FASTKD1: variants seen among roughly 807,000 people sequenced by gnomAD.
The protein encoded by FASTKD1 is FAST kinase domains 1.
In FASTKD1, 94 loss-of-function variants were observed where a neutral mutation model predicts 90.9. The ratio of observed to expected loss-of-function variants is 1.03; its 90% CI spans 0.88 to 1.23. FASTKD1 has a LOEUF of 1.23. Ranked by LOEUF, FASTKD1 falls within the 50% of genes most tolerant of loss-of-function variation. The probability of loss-of-function intolerance (pLI) is 0.00; values close to 1 mark genes in which losing one functional copy is unlikely to be tolerated. For synonymous variants in FASTKD1, 319 were observed against 345.8 expected (o/e 0.92, Z 0.86); for missense variants, 945 against 993.5 (o/e 0.95, Z 0.66).
intron 4 of FASTKD1, among the ~76,000 whole-genome samples, chr2:169,562,164 A>G (rs1461102305): frequency 1.4e-5 from 2 of 147,576 alleles, no homozygotes; most frequent in Non-Finnish European, 1.5e-5. Context: ...ATTATTTATT[A>G]ATTTATTTTT....
chr2:169,556,448 CA>C lies in FASTKD1; in HGVS notation c.1082+738del, dbSNP rs1183409632. Among the ~76,000 whole-genome samples the C allele has an allele frequency of 1.6e-3, 196 of 120,748 alleles. 1 individual carries two copies. The highest frequency in any genetic ancestry group is 5.4e-3 in the African/African-American group (178 of 32,956). The allele number at this position is 120,748 out of a possible 152,430, so 79.2% of individuals were successfully genotyped here. ...CATACCCTGTCTCAAAAAAAAAAAA[CA>C]AAAAAAAAAACGGCCAGGCACAGTG... On this transcript the variant is annotated intron_variant, in intron 6 of 14. Coordinates refer to ENST00000453153, the MANE Select transcript of FASTKD1 (RefSeq NM_024622.6).
chr2:169,554,815 G>A (rs1238393335), intron 7 of FASTKD1, among the ~76,000 whole-genome samples: 7 of 152,242 alleles, frequency 4.6e-5, no homozygotes, highest in South Asian at 4.1e-4. Flanking sequence ...TTTAACTTTC[G>A]TCAGCAGTCC....
chr2:169,561,527 G>A (rs1385344751), intron 4 of FASTKD1, among the ~76,000 whole-genome samples: 1 of 151,606 alleles, frequency 6.6e-6, no homozygotes, highest in Non-Finnish European at 1.5e-5. Flanking sequence ...CTCCTTAAAT[G>A]TTAGTTTCAA....
intron 4 of FASTKD1, among the ~76,000 whole-genome samples, chr2:169,563,020 T>C (rs1266170328): frequency 1.3e-5 from 2 of 152,206 alleles, no homozygotes; most frequent in Non-Finnish European, 2.9e-5. Flanking sequence ...AATATTGTAT[T>C]ACACTTTATG....
chr2:169,556,483 C>T (rs916049664), intron 6 of FASTKD1, among the ~76,000 whole-genome samples: 1 of 150,164 alleles, frequency 6.7e-6, no homozygotes, highest in Non-Finnish European at 1.5e-5. Flanking sequence ...TGGCTCAACA[C>T]TTTGGGATGC....
intron 14 of FASTKD1, among the ~76,000 whole-genome samples, chr2:169,530,290 T>C (rs76590902): frequency 0.016 from 2,372 of 152,210 alleles, 58 homozygotes; most frequent in African/African-American, 0.052. Flanking sequence ...ATAAAATAAA[T>C]GACAACTTTT....
At chr2:169,558,051 C>T (rs1423130029) in intron 5 of FASTKD1, among the ~76,000 whole-genome samples, 2 of 152,218 alleles carry the variant, frequency 1.3e-5, no homozygotes, top group Non-Finnish European at 2.9e-5. Context: ...TGTCTGCTCA[C>T]AGCACTATCC....
chr2:169,560,403 GT>G lies in FASTKD1; in HGVS notation c.954del (p.Pro319LeufsTer13). On this transcript the variant is annotated frameshift_variant, in exon 5 of 15. Transcript: ENST00000453153. LOFTEE classifies it high-confidence loss of function. ...KLFVALGPIAGPEEKKQLKST... is the reference protein window; with the variant it reads ...KLFVALGPIAXPEEKKQLKST... ...TGAACTTACTGTTTCTTTTCTTCAG[GT>G]CCTGCAATGGGTCCCAATGCTACAA... 1 of 1,540,926 alleles carries G rather than the reference GT, an allele frequency of 6.5e-7. No homozygotes were observed. Among genetic ancestry groups the G allele is most frequent in the East Asian group, 2.3e-5 (1 of 43,960 alleles).
intron 9 of FASTKD1, among the ~76,000 whole-genome samples, chr2:169,543,680 G>A (rs572693908): frequency 6.6e-6 from 1 of 152,200 alleles, no homozygotes; most frequent in Admixed American, 6.5e-5. Flanking sequence ...AGCAAATGTG[G>A]CAAATGTTAA....
At chr2:169,556,828 A>AAAACAAAC (rs140987027) in intron 6 of FASTKD1, among the ~76,000 whole-genome samples, 48,413 of 148,242 alleles carry the variant, frequency 0.33, 8,854 homozygotes, top group Admixed American at 0.46. Flanking sequence ...CTCTGTCTCA[A>AAAACAAAC]AAACAAACAA....
At chr2:169,552,821 G>A (rs1685550030) in intron 7 of FASTKD1, among the ~76,000 whole-genome samples, 1 of 152,100 alleles carries the variant, frequency 6.6e-6, no homozygotes, top group Non-Finnish European at 1.5e-5. Flanking sequence ...GGTGACAGGT[G>A]CACTTAAAAT....
intron 3 of FASTKD1, 111 bp downstream of exon 3, chr2:169,569,073 T>C: frequency 1.2e-6 from 1 of 850,884 alleles, no homozygotes; most frequent in East Asian, 2.4e-5. Context: ...AATACATTTT[T>C]TTCAGTGAAG....
chr2:169,573,753 C>G lies in FASTKD1; in HGVS notation c.-227G>C, dbSNP rs1684335377. ...CTCAGAAGTCAGGGTTATTCCTGGT[C>G]CCAACACGGAACGAAACAGGCTCGG... On this transcript the variant is annotated 5_prime_UTR_variant, in exon 1 of 15. Transcript: ENST00000453153. 1 of 152,222 alleles carries G rather than the reference C, an allele frequency of 6.6e-6. No homozygotes were observed. Among genetic ancestry groups the G allele is most frequent in the Non-Finnish European group, 1.5e-5 (1 of 68,046 alleles). The allele number at this position is 152,222 out of a possible 1,614,324, so 9.4% of individuals were successfully genotyped here.
At chr2:169,565,713 G>T (rs1040871744) in intron 3 of FASTKD1, among the ~76,000 whole-genome samples, 3 of 152,148 alleles carry the variant, frequency 2.0e-5, no homozygotes, top group African/African-American at 4.8e-5. Flanking sequence ...CCAGGCAGTG[G>T]GATTACTGGA....
chr2:169,538,313 C>CA (rs1410152898), intron 10 of FASTKD1, among the ~76,000 whole-genome samples, 172 bp from the exon 11 acceptor site: 1 of 152,068 alleles, frequency 6.6e-6, no homozygotes, highest in Non-Finnish European at 1.5e-5. Context: ...TAAATTATTA[C>CA]ATTCAGTGAC....
At chr2:169,532,278 AG>A (rs1359749540) in intron 12 of FASTKD1, among the ~76,000 whole-genome samples, 2 of 151,988 alleles carry the variant, frequency 1.3e-5, no homozygotes, top group Non-Finnish European at 2.9e-5. Flanking sequence ...AAAATAAGCC[AG>A]GTGTAGTGGT....
At chr2:169,542,064 T>C (rs1414199691) in intron 9 of FASTKD1, among the ~76,000 whole-genome samples, 2 of 152,088 alleles carry the variant, frequency 1.3e-5, no homozygotes, top group East Asian at 3.9e-4. Context: ...TTATCCAAAA[T>C]AGCACTCCAT....
Position 169,557,483 on chromosome 2 carries a change from ATT to A in FASTKD1, c.972-188_972-187del, listed in dbSNP as rs1314181078. Among the ~76,000 whole-genome samples, 4 of 152,214 alleles carry A rather than the reference ATT, an allele frequency of 2.6e-5. 1 individual carries two copies. The highest frequency in any genetic ancestry group is 2.6e-4 in the Admixed American group (4 of 15,282). On this transcript the variant is annotated intron_variant, in intron 5 of 14. Coordinates refer to ENST00000453153, the MANE Select transcript of FASTKD1 (RefSeq NM_024622.6). Reference sequence around the variant, plus strand: ...AATATTACTGAATAAAGAAAAATATATTGTCTTCTTCAATGAAATTCAGGCCT... The same window carrying A: ...AATATTACTGAATAAAGAAAAATATAGTCTTCTTCAATGAAATTCAGGCCT...
chr2:169,531,356 C>T lies in FASTKD1; in HGVS notation c.2323G>A (p.Glu775Lys). ...IVGSRLPPGA[E>K]RIALEFLDSK... is the part of the protein sequence containing the mutation. The stretch of plus-strand genomic sequence containing the variant: ...TAAAACTAAGAAATAAATTACCTTT[C>T]AGCCCCTGGTGGCAGCCTTGATCCA... Residue 775 changes from glutamate to lysine, a missense_variant, in exon 13 of 15, where the codon GAA (glutamate) becomes AAA (lysine). Glu to Lys is a moderately conservative substitution (Grantham distance 56). Coordinates refer to ENST00000453153, the MANE Select transcript of FASTKD1 (RefSeq NM_024622.6). 6.2e-7 allele frequency: 1 copy of T among 1,613,490 alleles called. No homozygotes were observed. Among genetic ancestry groups the T allele is most frequent in the Non-Finnish European group, 8.5e-7 (1 of 1,179,632 alleles).
Sources: gnomAD v4.1 joint callset for allele counts (sites outside exome capture counted in the v4.1 genomes callset) on GRCh38, gnomAD v4.1.1 for gene constraint, MANE v1.5 for transcripts, NCBI Gene and HGNC (gene_info 2026-07-23, HGNC 2026-07-21) for gene names.